GRM7: variants seen among roughly 807,000 people sequenced by gnomAD.
GRM7 encodes the protein metabotropic glutamate receptor 7.
A neutral mutation model predicts 84.5 loss-of-function variants in GRM7; 35 were observed. The ratio of observed to expected loss-of-function variants is 0.41; its 90% confidence interval spans 0.32 to 0.55. GRM7 has a LOEUF of 0.55. Ranked by LOEUF, GRM7 falls within the 20% of genes least tolerant of loss-of-function variation. GRM7 has a pLI of 0.19. For synonymous variants in GRM7, 487 were observed against 455.1 expected, an observed-to-expected ratio of 1.07 and a Z score of -0.89; for missense variants, 1,003 against 1,194.6, an observed-to-expected ratio of 0.84 and a Z score of 2.36.
At chr3:6,985,066 C>T (rs980002046) in intron 1 of GRM7, among the ~76,000 whole-genome samples, 1 of 152,046 alleles carries the variant, frequency 6.6e-6, no homozygotes, top group African/African-American at 2.4e-5. Flanking sequence ...ATTTTCTTTC[C>T]TTTTTTTCGT....
chr3:7,227,070 T>G (rs1305107707), intron 2 of GRM7, among the ~76,000 whole-genome samples: 1 of 152,222 alleles, frequency 6.6e-6, no homozygotes, highest in Non-Finnish European at 1.5e-5. Flanking sequence ...AATACCTGGT[T>G]GTAATTTTTA....
rs191292299 is a variant in GRM7 at position 7,528,465 on chromosome 3, A to G, written c.1516-49957A>G. On this transcript the variant is annotated intron_variant, in intron 7 of 9. Transcript: ENST00000357716. ...TTGATATTGCTTACACTTTCAAAGA[A>G]CCAAATTTTCCTTCATTGATCCTAT... 4.5e-3 allele frequency among the ~76,000 whole-genome samples: 691 copies of G among 152,078 alleles called. 6 individuals are homozygous for G. Among genetic ancestry groups the G allele is most frequent in the Middle Eastern group, 0.014 (4 of 294 alleles).
intron 1 of GRM7, among the ~76,000 whole-genome samples, chr3:6,976,004 T>C (rs1445132891): frequency 1.3e-5 from 2 of 152,132 alleles, no homozygotes; most frequent in African/African-American, 2.4e-5. Context: ...GATTTTAAGA[T>C]GGAGTGATTC....
intron 8 of GRM7, among the ~76,000 whole-genome samples, chr3:7,669,878 G>T (rs3792436): frequency 0.12 from 17,856 of 148,186 alleles, 2,310 homozygotes; most frequent in African/African-American, 0.31. Context: ...TCCATTTAGA[G>T]GCATGGACTG....
At chr3:7,706,359 T>C (rs1454588712) in intron 9 of GRM7, among the ~76,000 whole-genome samples, 2 of 152,204 alleles carry the variant, frequency 1.3e-5, no homozygotes, top group Non-Finnish European at 2.9e-5. Flanking sequence ...TGCAGAATGT[T>C]GTAGTTTGTA....
chr3:6,951,017 G>A (rs1391843184), intron 1 of GRM7, among the ~76,000 whole-genome samples: 2 of 152,190 alleles, frequency 1.3e-5, no homozygotes, highest in Non-Finnish European at 2.9e-5. Context: ...GTGAGGTGAT[G>A]CCTCTCCCTG....
intron 7 of GRM7, among the ~76,000 whole-genome samples, chr3:7,525,770 A>C (rs1171245892): frequency 6.6e-6 from 1 of 152,054 alleles, no homozygotes; most frequent in Non-Finnish European, 1.5e-5. Context: ...ATGTGTATCC[A>C]ATGTTTAGCT....
intron 4 of GRM7, among the ~76,000 whole-genome samples, chr3:7,341,612 C>A (rs1335584522): frequency 6.6e-6 from 1 of 151,976 alleles, no homozygotes; most frequent in Non-Finnish European, 1.5e-5. Context: ...ATTAGATAAG[C>A]AAAAACTGCC....
intron 2 of GRM7, among the ~76,000 whole-genome samples, chr3:7,157,186 A>AG (rs1694479942): frequency 6.6e-6 from 1 of 152,084 alleles, no homozygotes; most frequent in Non-Finnish European, 1.5e-5. Context: ...CAAGTAAGAA[A>AG]GCACCCCATT....
intron 9 of GRM7, among the ~76,000 whole-genome samples, chr3:7,733,379 C>T (rs1243583830): frequency 6.6e-6 from 1 of 152,164 alleles, no homozygotes; most frequent in African/African-American, 2.4e-5. Flanking sequence ...CCAGGGTCAC[C>T]ACACAGGAGC....
chr3:6,913,689 A>G (rs1575006990), intron 1 of GRM7, among the ~76,000 whole-genome samples: 1 of 152,138 alleles, frequency 6.6e-6, no homozygotes, highest in African/African-American at 2.4e-5. Flanking sequence ...GTCCGGCCAG[A>G]GGTTGTTCTG....
At chr3:7,600,611 CT>C (rs1293701380) in intron 8 of GRM7, among the ~76,000 whole-genome samples, 1 of 152,154 alleles carries the variant, frequency 6.6e-6, no homozygotes, top group Non-Finnish European at 1.5e-5. Context: ...CTCCTCCTCT[CT>C]GGGCATCAGT....
rs544746737 is a variant in GRM7, at chr3:7,246,013, A to C, written c.737-52671A>C. On this transcript the variant is annotated intron_variant, in intron 2 of 9. Transcript: ENST00000357716. Reference sequence around the variant, plus strand: ...TAGAGGAATTTAAAATAATGTAAATAACTGAAGAGATAGAATGCATTCATA... The same window carrying C: ...TAGAGGAATTTAAAATAATGTAAATCACTGAAGAGATAGAATGCATTCATA... Among the ~76,000 whole-genome samples, 90 of 152,268 alleles carry C rather than the reference A, an allele frequency of 5.9e-4. 5 individuals carry two copies. The South Asian group carries it at 0.014, about 24-fold the overall frequency.
At chr3:7,615,948 TTACATATA>T (rs1697059426) in intron 8 of GRM7, among the ~76,000 whole-genome samples, 1 of 151,994 alleles carries the variant, frequency 6.6e-6, no homozygotes, top group Non-Finnish European at 1.5e-5. Context: ...TATAAGTGTA[TTACATATA>T]TAAACACACA....
chr3:7,700,005 T>G (rs1386464077), intron 9 of GRM7, among the ~76,000 whole-genome samples: 1 of 152,106 alleles, frequency 6.6e-6, no homozygotes, highest in Middle Eastern at 3.2e-3. Flanking sequence ...CAAGACTGGG[T>G]GAGATGGCAC....
At chr3:6,999,975 A>T (rs576734106) in intron 1 of GRM7, among the ~76,000 whole-genome samples, 1 of 152,308 alleles carries the variant, frequency 6.6e-6, no homozygotes, top group East Asian at 1.9e-4. Flanking sequence ...TATTAATTTC[A>T]TTTTCAAATT....
At chr3:6,953,011 T>C (rs1692854455) in intron 1 of GRM7, among the ~76,000 whole-genome samples, 1 of 152,188 alleles carries the variant, frequency 6.6e-6, no homozygotes, top group African/African-American at 2.4e-5. Flanking sequence ...TCCTACATTA[T>C]ATTAGTGAGG....
chr3:7,611,034 G>C (rs1175764263), intron 8 of GRM7, among the ~76,000 whole-genome samples: 1 of 152,094 alleles, frequency 6.6e-6, no homozygotes, highest in Non-Finnish European at 1.5e-5. Context: ...GCTGTGATGC[G>C]AGAGAATATA....
At chr3:7,198,839 T>C (rs1308678161) in intron 2 of GRM7, among the ~76,000 whole-genome samples, 1 of 152,196 alleles carries the variant, frequency 6.6e-6, no homozygotes, top group Non-Finnish European at 1.5e-5. Context: ...TGCCTGTACA[T>C]TTAGAGTGTT....
Sources: gnomAD v4.1 joint callset for allele counts (sites outside exome capture counted in the v4.1 genomes callset) on GRCh38, gnomAD v4.1.1 for gene constraint, MANE v1.5 for transcripts, NCBI Gene and HGNC (gene_info 2026-07-23, HGNC 2026-07-21) for gene names.